The following PTPRO variants were observed in gnomAD, a reference collection of about 807,000 sequenced individuals.
PTPRO encodes protein tyrosine phosphatase receptor type O, also known as receptor-type tyrosine-protein phosphatase O.
In PTPRO, 62 loss-of-function variants were observed where a neutral mutation model predicts 145.2. That is an observed-to-expected ratio of 0.43 (90% confidence interval 0.35 to 0.53). The LOEUF is 0.53. Ranked by LOEUF, PTPRO falls within the 20% of genes least tolerant of loss-of-function variation. The pLI is 0.01. For missense variants in PTPRO, 1,345 were observed against 1,482.7 expected, an observed-to-expected ratio of 0.91 and a Z score of 1.53; for synonymous variants, 565 against 514.7, an observed-to-expected ratio of 1.10 and a Z score of -1.32.
At chr12:15,493,524 A>G (rs1183654370) in intron 2 of PTPRO, among the ~76,000 whole-genome samples, 1 of 152,184 alleles carries the variant, frequency 6.6e-6, no homozygotes, top group Admixed American at 6.6e-5. Flanking sequence ...TAAGAAAAGG[A>G]AAGCTGATTG....
chr12:15,392,795 T>A (rs1459958889), intron 1 of PTPRO, among the ~76,000 whole-genome samples: 1 of 151,186 alleles, frequency 6.6e-6, no homozygotes, highest in Non-Finnish European at 1.5e-5. Flanking sequence ...TATCTCCCTA[T>A]TATTGTAGTC....
intron 1 of PTPRO, among the ~76,000 whole-genome samples, chr12:15,373,473 T>A (rs1005044847): frequency 3.3e-5 from 5 of 152,172 alleles, no homozygotes; most frequent in African/African-American, 9.6e-5. Context: ...TCTATATGAA[T>A]CTATTATTAA....
chr12:15,418,296 G>A (rs1042127751), intron 1 of PTPRO, among the ~76,000 whole-genome samples: 1 of 151,740 alleles, frequency 6.6e-6, no homozygotes, highest in African/African-American at 2.4e-5. Flanking sequence ...TATGGCTATA[G>A]ATTAACTGCT....
At chr12:15,515,672 G>T in intron 8 of PTPRO, 54 bp downstream of exon 8, 1 of 1,608,766 alleles carries the variant, frequency 6.2e-7, no homozygotes, top group Non-Finnish European at 8.5e-7. Context: ...GGTATTGACG[G>T]AGGGGTGCAA....
At chr12:15,433,561 A>G (rs1644544061) in intron 1 of PTPRO, among the ~76,000 whole-genome samples, 3 of 152,190 alleles carry the variant, frequency 2.0e-5, no homozygotes, top group Admixed American at 2.0e-4. Flanking sequence ...GTCCAGTTTC[A>G]ATCTTCTGCA....
At chr12:15,464,239 G>T (rs1029252553) in intron 1 of PTPRO, among the ~76,000 whole-genome samples, 26 of 152,164 alleles carry the variant, frequency 1.7e-4, no homozygotes, top group Non-Finnish European at 3.5e-4. Context: ...CTACAAGAAA[G>T]GCATGTTTCA....
chr12:15,464,760 C>G (rs1941381815), intron 1 of PTPRO, among the ~76,000 whole-genome samples: 2 of 152,016 alleles, frequency 1.3e-5, no homozygotes, highest in Admixed American at 6.6e-5. Flanking sequence ...GCATGATATA[C>G]TTGTTTCAGA....
chr12:15,345,187 A>C (rs1867155241), intron 1 of PTPRO, among the ~76,000 whole-genome samples: 1 of 152,200 alleles, frequency 6.6e-6, no homozygotes, highest in African/African-American at 2.4e-5. Flanking sequence ...GCTGTGGTTC[A>C]TGTCTTCCTG....
Position 15,562,527 on chromosome 12 carries a change from T to C in PTPRO, c.2711+2251T>C, listed in dbSNP as rs542881720. ...CCCATCTGATGCCACTAGTGGTTTG[T>C]GTGGAAATCAAAAAACTCTTTCTCT... On this transcript the variant is annotated intron_variant, in intron 17 of 26. Transcript: ENST00000281171. Among the ~76,000 whole-genome samples the C allele has an allele frequency of 1.6e-3, 243 of 152,238 alleles. 1 individual carries two copies. The highest frequency in any genetic ancestry group is 5.3e-3 in the African/African-American group (220 of 41,556).
intron 25 of PTPRO, among the ~76,000 whole-genome samples, chr12:15,593,730 C>G (rs1024334812): frequency 6.6e-5 from 10 of 152,042 alleles, no homozygotes; most frequent in African/African-American, 2.2e-4. Flanking sequence ...TATCTGTGTC[C>G]ACACCATTTA....
At chr12:15,401,512 TA>T (rs1175316836) in intron 1 of PTPRO, among the ~76,000 whole-genome samples, 2 of 152,106 alleles carry the variant, frequency 1.3e-5, no homozygotes, top group Non-Finnish European at 2.9e-5. Flanking sequence ...TAGATTAGGC[TA>T]ATGATAACAT....
intron 1 of PTPRO, among the ~76,000 whole-genome samples, chr12:15,433,580 G>A (rs1194635921): frequency 6.6e-6 from 1 of 152,182 alleles, no homozygotes; most frequent in Non-Finnish European, 1.5e-5. Flanking sequence ...CATATGGCTA[G>A]CCAGTTATTC....
intron 1 of PTPRO, among the ~76,000 whole-genome samples, chr12:15,446,379 A>G (rs989395952): frequency 5.9e-5 from 9 of 152,162 alleles, no homozygotes; most frequent in African/African-American, 2.2e-4. Context: ...CACAAAAGAG[A>G]TGGAAGGCAA....
At chr12:15,562,434 A>G (rs1025475482) in intron 17 of PTPRO, among the ~76,000 whole-genome samples, 1 of 152,118 alleles carries the variant, frequency 6.6e-6, no homozygotes, top group East Asian at 1.9e-4. Context: ...ACTGCCTAAC[A>G]CACTGTCCAA....
chr12:15,488,413 A>G (rs973510516), intron 2 of PTPRO, among the ~76,000 whole-genome samples: 5 of 152,192 alleles, frequency 3.3e-5, no homozygotes, highest in African/African-American at 9.7e-5. Flanking sequence ...TTCATAAAAG[A>G]GGGAATTGAA....
At chr12:15,490,330 G>C (rs1348558357) in intron 2 of PTPRO, among the ~76,000 whole-genome samples, 1 of 152,114 alleles carries the variant, frequency 6.6e-6, no homozygotes, top group Non-Finnish European at 1.5e-5. Flanking sequence ...TAATAAGTGT[G>C]TTATGCTTTG....
At chr12:15,387,372 A>C (rs1280956642) in intron 1 of PTPRO, among the ~76,000 whole-genome samples, 1 of 134,424 alleles carries the variant, frequency 7.4e-6, no homozygotes, top group East Asian at 2.7e-4. Context: ...GGGGTTGGGG[A>C]GGGGGGTGGG....
At chr12:15,560,138 T>C (rs545916308) in intron 16 of PTPRO, 55 bp from the exon 17 acceptor site, 1 of 1,283,106 alleles carries the variant, frequency 7.8e-7, no homozygotes, top group Non-Finnish European at 1.1e-6. Context: ...CAGTTTATAT[T>C]ACTAACTCTT....
chr12:15,406,315 T>A (rs1939646361), intron 1 of PTPRO, among the ~76,000 whole-genome samples: 1 of 152,158 alleles, frequency 6.6e-6, no homozygotes, highest in African/African-American at 2.4e-5. Context: ...CATGCAGAGA[T>A]AAATGATTTC....
Sources: allele counts gnomAD v4.1 joint callset (sites outside exome capture counted in the v4.1 genomes callset), GRCh38; gene constraint gnomAD v4.1.1; transcripts MANE v1.5; gene names NCBI Gene and HGNC (gene_info 2026-07-23, HGNC 2026-07-21).